ZC3H12B: variants seen among roughly 807,000 people sequenced by gnomAD.
ZC3H12B encodes the protein probable ribonuclease ZC3H12B.
In ZC3H12B, 7 loss-of-function variants were observed where a neutral mutation model predicts 43.9. The observed-to-expected ratio is 0.16, with a 90% CI of 0.09 to 0.30. ZC3H12B has a LOEUF of 0.30. Ranked by LOEUF, ZC3H12B falls within the 10% of genes least tolerant of loss-of-function variation. The pLI is 1.00. For synonymous variants in ZC3H12B, 222 were observed against 241.7 expected, an observed-to-expected ratio of 0.92 and a Z score of 0.76; for missense variants, 475 against 670.2, an observed-to-expected ratio of 0.71 and a Z score of 3.22.
chrX:65,087,226 G>C, the ZC3H12B span, among the ~76,000 whole-genome samples: 11 of 111,230 alleles, frequency 9.9e-5, no homozygotes, highest in African/African-American at 2.9e-4. Context: ...TCCTCATCCT[G>C]TCAGGGCACT....
chrX:65,079,119 G>A, the ZC3H12B span, among the ~76,000 whole-genome samples: 1 of 112,445 alleles, frequency 8.9e-6, no homozygotes, highest in Non-Finnish European at 1.9e-5. Context: ...GTGAAAACAT[G>A]TGATGTTTCT....
chrX:65,176,695 C>T, the ZC3H12B span, among the ~76,000 whole-genome samples: 2 of 111,698 alleles, frequency 1.8e-5, no homozygotes, highest in Non-Finnish European at 3.8e-5. Context: ...TGGATAAATT[C>T]CCGGACACAT....
the ZC3H12B span, among the ~76,000 whole-genome samples, chrX:65,301,439 C>T: frequency 6.2e-4 from 69 of 110,895 alleles, no homozygotes; most frequent in Middle Eastern, 4.7e-3. Flanking sequence ...CTCAAATGCC[C>T]ATCAATCAAC....
chrX:65,214,612 A>T, the ZC3H12B span, among the ~76,000 whole-genome samples: 1 of 111,453 alleles, frequency 9.0e-6, no homozygotes, highest in Non-Finnish European at 1.9e-5. Flanking sequence ...TTTCTACCAC[A>T]TCTTCAGTGA....
chrX:65,094,716 C>T, the ZC3H12B span, among the ~76,000 whole-genome samples: 2 of 112,037 alleles, frequency 1.8e-5, no homozygotes, highest in African/African-American at 3.2e-5. Context: ...TTAAAAATGT[C>T]CTTGATGAAA....
chrX:65,417,086 G>A (rs1346119032), intron 3 of ZC3H12B, among the ~76,000 whole-genome samples: 1 of 111,298 alleles, frequency 9.0e-6, no homozygotes, highest in Non-Finnish European at 1.9e-5. Context: ...CCCAAGCCTA[G>A]ACCATTGCTT....
At chrX:65,245,318 G>A in the ZC3H12B span, among the ~76,000 whole-genome samples, 1 of 111,975 alleles carries the variant, frequency 8.9e-6, no homozygotes, top group African/African-American at 3.2e-5. Flanking sequence ...GTAAGGAGGA[G>A]GGATTCCTCC....
At chrX:65,196,064 G>A in the ZC3H12B span, among the ~76,000 whole-genome samples, 3 of 111,278 alleles carry the variant, frequency 2.7e-5, no homozygotes, top group South Asian at 1.1e-3. Flanking sequence ...GAATATCTGT[G>A]TGTCAGCGGA....
At chrX:65,111,559 T>A in the ZC3H12B span, among the ~76,000 whole-genome samples, 10 of 79,354 alleles carry the variant, frequency 1.3e-4, no homozygotes, top group East Asian at 2.8e-4. Flanking sequence ...TTTTATTATT[T>A]TTTTTTTTAC....
chrX:65,199,011 G>T, the ZC3H12B span, among the ~76,000 whole-genome samples: 169 of 109,947 alleles, frequency 1.5e-3, 2 homozygotes, highest in African/African-American at 5.4e-3. Flanking sequence ...TGTATTTTTA[G>T]TAGAGATGCG....
chrX:65,362,426 T>A (rs1459346111), upstream of ZC3H12B, among the ~76,000 whole-genome samples: 3 of 111,145 alleles, frequency 2.7e-5, no homozygotes, highest in Non-Finnish European at 5.7e-5. Flanking sequence ...TATACACTCC[T>A]TTTTAGTTAT....
chrX:65,418,834 G>C (rs879023411), intron 3 of ZC3H12B, among the ~76,000 whole-genome samples: 1 of 111,413 alleles, frequency 9.0e-6, no homozygotes, highest in Non-Finnish European at 1.9e-5. Flanking sequence ...AGGGCTCCTT[G>C]GTGAAGAACC....
At chrX:65,060,441 A>C in the ZC3H12B span, among the ~76,000 whole-genome samples, 1 of 111,921 alleles carries the variant, frequency 8.9e-6, no homozygotes, top group Non-Finnish European at 1.9e-5. Flanking sequence ...TGCTTTTTCC[A>C]TATCAATTGA....
the ZC3H12B span, among the ~76,000 whole-genome samples, chrX:65,352,581 A>G: frequency 2.7e-5 from 3 of 111,872 alleles, no homozygotes; most frequent in Non-Finnish European, 5.6e-5. Context: ...TAATAGTTTT[A>G]CAATTCTCTA....
the ZC3H12B span, among the ~76,000 whole-genome samples, chrX:65,323,591 C>T: frequency 7.8e-4 from 87 of 112,227 alleles, no homozygotes; most frequent in Middle Eastern, 4.6e-3. Flanking sequence ...TCCAGTCTAC[C>T]ATTGAGGTGC....
At chrX:65,440,020 C>T (rs2067281330) in intron 3 of ZC3H12B, among the ~76,000 whole-genome samples, 1 of 111,754 alleles carries the variant, frequency 8.9e-6, no homozygotes, top group Non-Finnish European at 1.9e-5. Flanking sequence ...ACCTATTTCC[C>T]AACTTTTTGT....
the ZC3H12B span, among the ~76,000 whole-genome samples, chrX:65,351,953 A>G: frequency 8.9e-6 from 1 of 112,467 alleles, no homozygotes; most frequent in Non-Finnish European, 1.9e-5. Flanking sequence ...TTGATCCAGC[A>G]GTCTCATTAC....
the ZC3H12B span, among the ~76,000 whole-genome samples, chrX:65,257,917 G>A: frequency 5.4e-5 from 6 of 111,165 alleles, no homozygotes; most frequent in Non-Finnish European, 9.4e-5. Flanking sequence ...AGAAGCCCAA[G>A]AGCAGGCAAA....
chrX:65,325,371 G>A, the ZC3H12B span, among the ~76,000 whole-genome samples: 1 of 111,338 alleles, frequency 9.0e-6, no homozygotes, highest in African/African-American at 3.2e-5. Flanking sequence ...TCACTAAAAA[G>A]CTAAAACTGG....
Sources: allele counts gnomAD v4.1 joint callset (sites outside exome capture counted in the v4.1 genomes callset), GRCh38; gene constraint gnomAD v4.1.1; transcripts MANE v1.5; gene names NCBI Gene and HGNC (gene_info 2026-07-23, HGNC 2026-07-21).